Variants in OSBP2 observed in about 807,000 individuals in gnomAD.
The protein encoded by OSBP2 is oxysterol binding protein 2.
OSBP2 carries 66 observed loss-of-function variants against 96.0 expected under a neutral mutation model. The ratio of observed to expected loss-of-function variants is 0.69; its 90% confidence interval spans 0.56 to 0.84. OSBP2 has a LOEUF of 0.84. Ranked by LOEUF, OSBP2 falls within the 40% of genes least tolerant of loss-of-function variation. The probability of loss-of-function intolerance (pLI) is 0.00; values close to 1 mark genes in which losing one functional copy is unlikely to be tolerated. For missense variants in OSBP2, 1,038 were observed against 1,222.7 expected (o/e 0.85, Z 2.25); for synonymous variants, 525 against 520.9 (o/e 1.01, Z -0.11).
In OSBP2 at chr22:30,890,825, T is replaced by C; in HGVS notation, c.1721T>C (p.Val574Ala). 1 of 1,613,790 alleles carries C rather than the reference T, an allele frequency of 6.2e-7. No homozygotes were observed. The change falls in exon 8 of 14, where the codon GTG becomes GCG. Residue 574 changes from valine (V) to alanine (A), a missense_variant. Coordinates refer to ENST00000332585, the MANE Select transcript of OSBP2 (RefSeq NM_030758.4). This position sits in a 1 kb window ranked among gnomAD's most constrained non-coding sequence, Gnocchi z 4.4. ...LDKAVHCTSSVEQMCLVAAFS... is the reference protein window; with the variant it reads ...LDKAVHCTSSAEQMCLVAAFS... ...AAGGCAGTGCACTGCACCAGCTCAG[T>C]GGAGCAGATGTGCCTGGTGGCCGCC...
At position 30,705,219 on chromosome 22, in the gene OSBP2, G is replaced by A. The variant is rs146876749; in HGVS notation, c.644+9666G>A. 8.8e-3 allele frequency among the ~76,000 whole-genome samples: 1,333 copies of A among 152,190 alleles called. 16 individuals are homozygous for A. The highest frequency in any genetic ancestry group is 0.029 in the African/African-American group (1,220 of 41,520). ...TAGACCTTGCCCAAGGTCATCTGGC[G>A]GCTTGGTTTTTGCAAGTGACTGGGG... On this transcript the variant is annotated intron_variant, in intron 1 of 13. Coordinates refer to ENST00000332585, the MANE Select transcript of OSBP2 (RefSeq NM_030758.4).
intron 2 of OSBP2, among the ~76,000 whole-genome samples, chr22:30,786,319 A>T (rs1300194900): frequency 6.6e-6 from 1 of 152,070 alleles, no homozygotes; most frequent in Non-Finnish European, 1.5e-5. Flanking sequence ...CACTGCACCC[A>T]GCCTCAGTTA....
At chr22:30,772,716 G>A (rs538959549) in intron 2 of OSBP2, among the ~76,000 whole-genome samples, 22 of 152,234 alleles carry the variant, frequency 1.4e-4, no homozygotes, top group Admixed American at 2.6e-4. Flanking sequence ...TCAGCACCTC[G>A]GCTGTTAGCT....
upstream of OSBP2, among the ~76,000 whole-genome samples, chr22:30,694,637 T>G (rs1390485132): frequency 5.9e-3 from 2 of 338 alleles, no homozygotes; most frequent in African/African-American, 0.017. Flanking sequence ...CCTTCGGAGT[T>G]GACCGACCAC....
chr22:30,838,985 C>T (rs1306578503), intron 2 of OSBP2, among the ~76,000 whole-genome samples: 4 of 111,306 alleles, frequency 3.6e-5, no homozygotes, highest in African/African-American at 1.3e-4. Context: ...CCCCCTCCCC[C>T]CACCCTTCCC....
intron 2 of OSBP2, among the ~76,000 whole-genome samples, chr22:30,820,517 C>A (rs2038251939): frequency 6.6e-6 from 1 of 152,164 alleles, no homozygotes; most frequent in Non-Finnish European, 1.5e-5. Flanking sequence ...CTTTAAGGGA[C>A]CTTGCAGAGC....
chr22:30,765,564 T>G (rs1471734623), intron 2 of OSBP2, among the ~76,000 whole-genome samples: 1 of 152,202 alleles, frequency 6.6e-6, no homozygotes, highest in East Asian at 1.9e-4. Flanking sequence ...CCCTCCAAGC[T>G]TCTCACTTTG....
intron 1 of OSBP2, among the ~76,000 whole-genome samples, chr22:30,714,743 A>G (rs1377701738): frequency 1.3e-5 from 2 of 152,006 alleles, no homozygotes; most frequent in Non-Finnish European, 2.9e-5. Flanking sequence ...CAGCCTCCCG[A>G]GTAGCTGGGA....
At chr22:30,785,566 C>CAAA (rs762870932) in intron 2 of OSBP2, among the ~76,000 whole-genome samples, 2 of 48,008 alleles carry the variant, frequency 4.2e-5, no homozygotes, top group East Asian at 5.4e-4. Flanking sequence ...GACTTCGTCT[C>CAAA]AAAAAAAAAA....
At chr22:30,723,346 C>A (rs2089585218) in intron 1 of OSBP2, among the ~76,000 whole-genome samples, 1 of 150,856 alleles carries the variant, frequency 6.6e-6, no homozygotes, top group Non-Finnish European at 1.5e-5. Context: ...ACTTCATGAT[C>A]CATCCGCCTC....
intron 3 of OSBP2, among the ~76,000 whole-genome samples, chr22:30,876,275 CT>C (rs2039576528): frequency 6.6e-6 from 1 of 152,254 alleles, no homozygotes; most frequent in South Asian, 2.1e-4. Context: ...TGAAGCCCCC[CT>C]CCTCTGTTAT....
At chr22:30,859,577 G>T (rs2039164815) in intron 2 of OSBP2, among the ~76,000 whole-genome samples, 1 of 152,156 alleles carries the variant, frequency 6.6e-6, no homozygotes, top group Non-Finnish European at 1.5e-5. Context: ...TTGGGCCAAG[G>T]GCAGCACCCT....
intron 1 of OSBP2, among the ~76,000 whole-genome samples, chr22:30,708,324 A>G (rs1267837637): frequency 6.6e-6 from 1 of 152,156 alleles, no homozygotes; most frequent in Non-Finnish European, 1.5e-5. Flanking sequence ...CAATAGCATA[A>G]TGAAACCCCA....
At chr22:30,901,055 T>A (rs1469595941) in intron 12 of OSBP2, among the ~76,000 whole-genome samples, 14 of 152,152 alleles carry the variant, frequency 9.2e-5, no homozygotes, top group Non-Finnish European at 1.9e-4. Flanking sequence ...AAAATAAAAA[T>A]TTTTAAAAGA....
At chr22:30,774,227 C>T (rs2090397444) in intron 2 of OSBP2, among the ~76,000 whole-genome samples, 1 of 152,200 alleles carries the variant, frequency 6.6e-6, no homozygotes, top group Non-Finnish European at 1.5e-5. Context: ...TGCCTTGTCT[C>T]TAAAATAAGG....
chr22:30,873,722 G>A (rs1251603813), intron 3 of OSBP2, among the ~76,000 whole-genome samples: 2 of 152,194 alleles, frequency 1.3e-5, no homozygotes, highest in Non-Finnish European at 2.9e-5. Flanking sequence ...CCTCTTCCTC[G>A]TGAAATGCTG....
chr22:30,790,033 G>C (rs1337678214), intron 2 of OSBP2, among the ~76,000 whole-genome samples: 1 of 152,192 alleles, frequency 6.6e-6, no homozygotes, highest in African/African-American at 2.4e-5. Flanking sequence ...TGCAAGGGGA[G>C]AGGGTGACCC....
At chr22:30,725,540 AAAAAC>A (rs1403848060) in intron 1 of OSBP2, among the ~76,000 whole-genome samples, 1 of 138,172 alleles carries the variant, frequency 7.2e-6, no homozygotes, top group African/African-American at 2.6e-5. Flanking sequence ...AAACAAAAAC[AAAAAC>A]AAAAAAAAAA....
intron 2 of OSBP2, among the ~76,000 whole-genome samples, chr22:30,806,312 A>G (rs1385694007): frequency 1.3e-5 from 2 of 152,190 alleles, no homozygotes; most frequent in Non-Finnish European, 2.9e-5. Flanking sequence ...CTCTCCTCAC[A>G]TTGGGGTGAG....
Sources: allele counts gnomAD v4.1 joint callset (sites outside exome capture counted in the v4.1 genomes callset), GRCh38; gene constraint gnomAD v4.1.1; non-coding constraint Gnocchi (gnomAD v3.1); transcripts MANE v1.5; gene names NCBI Gene and HGNC (gene_info 2026-07-23, HGNC 2026-07-21).